ANKS1B: variants seen among roughly 807,000 people sequenced by gnomAD.
ANKS1B encodes ankyrin repeat and sterile alpha motif domain-containing protein 1B.
A neutral mutation model predicts 148.3 loss-of-function variants in ANKS1B; 36 were observed. The ratio of observed to expected loss-of-function variants is 0.24; its 90% CI spans 0.19 to 0.32. The LOEUF (loss-of-function observed/expected upper bound fraction) is 0.32. ANKS1B is among the 10% of genes least tolerant of loss of function. The pLI is 1.00. For missense variants in ANKS1B, 1,157 were observed against 1,542.6 expected (o/e 0.75, Z 4.19); for synonymous variants, 542 against 560.8 (o/e 0.97, Z 0.47).
chr12:98,975,151 T>A (rs1278366697), intron 17 of ANKS1B, among the ~76,000 whole-genome samples: 5 of 142,956 alleles, frequency 3.5e-5, no homozygotes, highest in African/African-American at 1.3e-4. Flanking sequence ...CTTTCCTCCC[T>A]CTCTTCCTTC....
At chr12:99,807,587 C>T (rs1165696049) in intron 3 of ANKS1B, among the ~76,000 whole-genome samples, 1 of 152,048 alleles carries the variant, frequency 6.6e-6, no homozygotes, top group Non-Finnish European at 1.5e-5. Context: ...AGAGCAGCTG[C>T]CACCATCAGA....
intron 9 of ANKS1B, among the ~76,000 whole-genome samples, chr12:99,539,652 T>C (rs1031110521): frequency 6.6e-6 from 1 of 152,152 alleles, no homozygotes; most frequent in Non-Finnish European, 1.5e-5. Flanking sequence ...TTATCAACAA[T>C]TACATTAAAT....
At chr12:98,989,793 T>C (rs2099925459) in intron 17 of ANKS1B, among the ~76,000 whole-genome samples, 1 of 151,960 alleles carries the variant, frequency 6.6e-6, no homozygotes, top group Non-Finnish European at 1.5e-5. Flanking sequence ...CTCGGGAGGC[T>C]GAGGCAGGAG....
chr12:99,372,760 G>GT (rs2152476708), intron 12 of ANKS1B, among the ~76,000 whole-genome samples: 1 of 152,138 alleles, frequency 6.6e-6, no homozygotes, highest in African/African-American at 2.4e-5. Flanking sequence ...ACTGTGTCAA[G>GT]TTTTTTCAGC....
At position 99,504,555 on chromosome 12, in the gene ANKS1B, A is replaced by G. The variant is rs1389513568; in HGVS notation, c.1359T>C (p.Phe453=). The change falls in exon 10 of 27, where the codon TTT becomes TTC. Residue 453 remains phenylalanine (F), a synonymous_variant. Transcript: ENST00000683438. ...LDTFPSENEN[F]LCDLMDTAVT... is the part of the protein sequence containing the mutation. ...CAGCTGTGTCCATGAGATCACACAG[A>G]AAGTTCTCATTTTCTGAAGGAAATG... The G allele has an allele frequency of 1.9e-6, 3 of 1,612,864 alleles. No individual in the cohort carries two copies. The highest frequency in any genetic ancestry group is 2.7e-5 in the African/African-American group (2 of 74,886).
At chr12:98,817,994 C>T (rs2099154769) in intron 19 of ANKS1B, among the ~76,000 whole-genome samples, 4 of 152,282 alleles carry the variant, frequency 2.6e-5, no homozygotes, top group Admixed American at 6.5e-5. Context: ...AATCAACCTA[C>T]CAAGAGTGGG....
At chr12:99,571,534 C>T (rs2097455704) in intron 9 of ANKS1B, among the ~76,000 whole-genome samples, 2 of 152,042 alleles carry the variant, frequency 1.3e-5, no homozygotes, top group Non-Finnish European at 2.9e-5. Context: ...GATGAGAAAA[C>T]CCAGAAGGCC....
chr12:99,762,826 C>A (rs1376025073), intron 8 of ANKS1B, among the ~76,000 whole-genome samples: 2 of 151,850 alleles, frequency 1.3e-5, no homozygotes, highest in Non-Finnish European at 1.5e-5. Flanking sequence ...CAAAAAACAA[C>A]CCCATTAAAA....
intron 17 of ANKS1B, among the ~76,000 whole-genome samples, chr12:98,982,233 A>G (rs1597994509): frequency 1.3e-5 from 2 of 152,322 alleles, no homozygotes; most frequent in African/African-American, 4.8e-5. Flanking sequence ...GTGCAAACAA[A>G]TCACCTGAGA....
intron 1 of ANKS1B, among the ~76,000 whole-genome samples, chr12:99,958,083 G>A (rs140763536): frequency 9.1e-4 from 139 of 152,304 alleles, no homozygotes; most frequent in Non-Finnish European, 1.7e-3. Context: ...ATCAGGCAAA[G>A]CTTCCTTGAA....
intron 1 of ANKS1B, among the ~76,000 whole-genome samples, chr12:99,860,786 G>A (rs2089924573): frequency 6.6e-6 from 1 of 152,144 alleles, no homozygotes; most frequent in African/African-American, 2.4e-5. Context: ...CATGATGCTT[G>A]TTGATTGTAT....
At chr12:99,756,917 C>T (rs992008868) in intron 8 of ANKS1B, among the ~76,000 whole-genome samples, 1 of 151,968 alleles carries the variant, frequency 6.6e-6, no homozygotes, top group Non-Finnish European at 1.5e-5. Flanking sequence ...AAACTGTACC[C>T]CTTCCTCATA....
At chr12:98,954,094 T>G (rs952315352) in intron 17 of ANKS1B, among the ~76,000 whole-genome samples, 4 of 152,230 alleles carry the variant, frequency 2.6e-5, no homozygotes, top group Non-Finnish European at 4.4e-5. Flanking sequence ...GCCTCAGACC[T>G]GCTGAATTCA....
chr12:99,786,995 C>T (rs2065072075), intron 4 of ANKS1B, among the ~76,000 whole-genome samples: 1 of 151,972 alleles, frequency 6.6e-6, no homozygotes, highest in African/African-American at 2.4e-5. Flanking sequence ...GAATAATTAT[C>T]AAAATTGACC....
intron 9 of ANKS1B, among the ~76,000 whole-genome samples, chr12:99,558,587 T>C (rs2097301983): frequency 6.6e-6 from 1 of 152,012 alleles, no homozygotes; most frequent in Admixed American, 6.5e-5. Flanking sequence ...AGCTCTCCAG[T>C]AGTCATGCAC....
chr12:98,797,788 G>GC (rs1210880974), intron 22 of ANKS1B, among the ~76,000 whole-genome samples: 3 of 152,138 alleles, frequency 2.0e-5, no homozygotes, highest in Admixed American at 6.5e-5. Context: ...AGCTGTTTCA[G>GC]TGTAATTATA....
intron 9 of ANKS1B, among the ~76,000 whole-genome samples, chr12:99,583,356 G>GTCT (rs2097589319): frequency 1.3e-5 from 2 of 152,146 alleles, no homozygotes; most frequent in Non-Finnish European, 1.5e-5. Context: ...AGGTCTTCAG[G>GTCT]ATAGAATGGG....
chr12:99,311,210 A>C (rs544859647), intron 12 of ANKS1B, among the ~76,000 whole-genome samples: 12 of 152,290 alleles, frequency 7.9e-5, no homozygotes, highest in African/African-American at 2.9e-4. Flanking sequence ...TAATCTAGAG[A>C]TGGATAGCCC....
At chr12:99,925,890 C>T (rs2094467221) in intron 1 of ANKS1B, among the ~76,000 whole-genome samples, 1 of 152,200 alleles carries the variant, frequency 6.6e-6, no homozygotes, top group Non-Finnish European at 1.5e-5. Flanking sequence ...ACCCATCTAA[C>T]ATTTGAACAG....
Sources: allele counts gnomAD v4.1 joint callset (sites outside exome capture counted in the v4.1 genomes callset), GRCh38; gene constraint gnomAD v4.1.1; transcripts MANE v1.5; gene names NCBI Gene and HGNC (gene_info 2026-07-23, HGNC 2026-07-21).